Variants in PCDH9 observed in about 807,000 individuals in gnomAD.
PCDH9 encodes the protein protocadherin-9.
Under a neutral mutation model 70.6 loss-of-function variants are expected in PCDH9, and 24 were observed. That is an observed-to-expected ratio of 0.34 (90% confidence interval 0.25 to 0.48). PCDH9 has a LOEUF of 0.48. Ranked by LOEUF, PCDH9 falls within the 20% of genes least tolerant of loss-of-function variation. The pLI is 0.99. For missense variants in PCDH9, 1,281 were observed against 1,503.6 expected (o/e 0.85, Z 2.45); for synonymous variants, 562 against 558.5 (o/e 1.01, Z -0.09).
chr13:66,840,299 A>T (rs1321004334), intron 3 of PCDH9, among the ~76,000 whole-genome samples: 11 of 152,364 alleles, frequency 7.2e-5, no homozygotes, highest in Admixed American at 5.2e-4. Flanking sequence ...GCTCTTGAAT[A>T]GAGTTGTAAT....
rs914080131 is a variant in PCDH9, at chr13:67,226,879, G to C, written c.1562C>G (p.Thr521Arg). The change falls in exon 2 of 5, where the codon ACA (threonine) becomes AGA (arginine). Residue 521 changes from threonine (T) to arginine (R), a missense_variant. Thr to Arg is a moderately conservative substitution (Grantham distance 71). Transcript: ENST00000377865. This position sits in a 1 kb window ranked among gnomAD's most constrained non-coding sequence, Gnocchi z 5.0. The part of the protein sequence containing the change: ...NASFFDLDRK[T>R]GVLTASRVFD... ...TACTCTGGAGGCTGTCAAAACTCCT[G>C]TTTTTCGGTCCAGATCAAAGAAGGA... 2 of 1,614,056 alleles carry C rather than the reference G, an allele frequency of 1.2e-6. No individual in the cohort carries two copies. The highest frequency in any genetic ancestry group is 1.7e-5 in the Admixed American group (1 of 60,012).
intron 4 of PCDH9, among the ~76,000 whole-genome samples, chr13:66,426,400 C>A (rs529163155): frequency 2.0e-5 from 3 of 151,140 alleles, no homozygotes; most frequent in African/African-American, 7.3e-5. Flanking sequence ...TGGTTAATGG[C>A]CTTAAATATC....
At chr13:67,207,628 TC>T (rs138452386) in intron 2 of PCDH9, 2 of 152,330 alleles carry the variant, frequency 1.3e-5, no homozygotes, top group East Asian at 3.9e-4. Flanking sequence ...AATGCTGTGA[TC>T]TTCTCTTTAC....
chr13:66,392,038 T>TA (rs1361740544), intron 4 of PCDH9, among the ~76,000 whole-genome samples: 2 of 151,782 alleles, frequency 1.3e-5, no homozygotes, highest in Non-Finnish European at 2.9e-5. Context: ...TCTCAAAACA[T>TA]ACTGCTATGG....
chr13:67,021,905 T>A (rs1309079043), intron 2 of PCDH9, among the ~76,000 whole-genome samples: 1 of 152,014 alleles, frequency 6.6e-6, no homozygotes, highest in East Asian at 1.9e-4. Flanking sequence ...TTTCTCTATG[T>A]GTATATATAT....
chr13:67,089,804 T>C (rs1246948623), intron 2 of PCDH9, among the ~76,000 whole-genome samples: 2 of 152,044 alleles, frequency 1.3e-5, no homozygotes, highest in African/African-American at 2.4e-5. Flanking sequence ...CAGATGTTGA[T>C]AGAGAGATCC....
At chr13:66,917,768 G>A (rs2082579609) in intron 2 of PCDH9, among the ~76,000 whole-genome samples, 2 of 151,326 alleles carry the variant, frequency 1.3e-5, no homozygotes, top group Admixed American at 1.3e-4. Context: ...AATATAAACA[G>A]TTCTGCAAGT....
In PCDH9 at chr13:67,040,228, G is replaced by A. The variant is rs560839226; in HGVS notation, c.3037-136623C>T. On this transcript the variant is annotated intron_variant, in intron 2 of 4. Coordinates refer to ENST00000377865, the MANE Select transcript of PCDH9 (RefSeq NM_203487.3). The stretch of plus-strand genomic sequence containing the variant: ...GTTATATGTTGAAACTTAGCCCCCA[G>A]TGTGACGTTATTCAGAGGTGGGGTC... Among the ~76,000 whole-genome samples the A allele has an allele frequency of 2.6e-5, 4 of 152,238 alleles. No individual in the cohort carries two copies. In the South Asian group the frequency reaches 8.3e-4, roughly 32 times the overall value.
At chr13:67,022,717 C>T (rs889458736) in intron 2 of PCDH9, among the ~76,000 whole-genome samples, 1 of 152,114 alleles carries the variant, frequency 6.6e-6, no homozygotes, top group African/African-American at 2.4e-5. Context: ...CGTTCAACAC[C>T]CTCACCTATT....
At chr13:66,604,200 A>G (rs955246405) in intron 4 of PCDH9, among the ~76,000 whole-genome samples, 5 of 152,070 alleles carry the variant, frequency 3.3e-5, no homozygotes, top group Admixed American at 1.3e-4. Flanking sequence ...CAACTCTCTC[A>G]GTAGCTCTGA....
At chr13:66,779,839 C>CTATATATATATA (rs1217221898) in intron 3 of PCDH9, among the ~76,000 whole-genome samples, 2 of 24,692 alleles carry the variant, frequency 8.1e-5, no homozygotes, top group Non-Finnish European at 1.9e-4. Context: ...CTCTCTCTCT[C>CTATATATATATA]TCTCTCTCTC....
In PCDH9 at chr13:66,305,039, CAA is replaced by C. The variant is rs1387799388; in HGVS notation, c.3341-13_3341-12del. On this transcript the variant is annotated splice_polypyrimidine_tract_variant and intron_variant, in intron 4 of 4. Transcript: ENST00000377865. ...GACCCAAAGGCCCATCTGCAGAAGACAAGAGAGAGAAAATAAGAAAAGGAAGT... is the reference window on the plus strand; with the variant it reads ...GACCCAAAGGCCCATCTGCAGAAGACGAGAGAGAAAATAAGAAAAGGAAGT... The C allele has an allele frequency of 5.7e-6, 9 of 1,566,892 alleles. No individual in the cohort carries two copies. Among genetic ancestry groups the C allele is most frequent in the African/African-American group, 5.5e-5 (4 of 72,696 alleles).
intron 4 of PCDH9, among the ~76,000 whole-genome samples, chr13:66,391,902 A>ATATG (rs1555288207): frequency 6.7e-6 from 1 of 149,142 alleles, no homozygotes; most frequent in Non-Finnish European, 1.5e-5. Context: ...ATATATATAT[A>ATATG]TATGTTTGTG....
intron 4 of PCDH9, among the ~76,000 whole-genome samples, chr13:66,375,407 T>A (rs2138227362): frequency 6.6e-6 from 1 of 152,236 alleles, no homozygotes; most frequent in African/African-American, 2.4e-5. Flanking sequence ...GCTATTGCTT[T>A]GTTTTTTGTT....
chr13:66,643,283 T>C (rs973592390), intron 3 of PCDH9, among the ~76,000 whole-genome samples: 1 of 152,054 alleles, frequency 6.6e-6, no homozygotes, highest in Non-Finnish European at 1.5e-5. Context: ...CTTATAATGA[T>C]CTTAAGGAAA....
chr13:66,749,622 G>A (rs1355434354), intron 3 of PCDH9, among the ~76,000 whole-genome samples: 1 of 152,084 alleles, frequency 6.6e-6, no homozygotes, highest in African/African-American at 2.4e-5. Flanking sequence ...ACCAGCTCGA[G>A]ACCAGAATTT....
At chr13:66,744,701 T>C (rs1468618118) in intron 3 of PCDH9, among the ~76,000 whole-genome samples, 1 of 152,122 alleles carries the variant, frequency 6.6e-6, no homozygotes, top group Non-Finnish European at 1.5e-5. Flanking sequence ...GAAATTCAGG[T>C]ATAAAAAATG....
At chr13:66,541,526 G>A (rs1960954908) in intron 4 of PCDH9, among the ~76,000 whole-genome samples, 1 of 152,054 alleles carries the variant, frequency 6.6e-6, no homozygotes, top group Non-Finnish European at 1.5e-5. Flanking sequence ...TTCTGATGTT[G>A]CTTCGCTTCT....
intron 4 of PCDH9, among the ~76,000 whole-genome samples, chr13:66,481,505 T>G (rs1234453737): frequency 6.6e-6 from 1 of 152,188 alleles, no homozygotes; most frequent in Non-Finnish European, 1.5e-5. Flanking sequence ...ATAATGTTAT[T>G]GCACACTTAA....
Sources: gnomAD v4.1 joint callset for allele counts (sites outside exome capture counted in the v4.1 genomes callset) on GRCh38, gnomAD v4.1.1 for gene constraint, Gnocchi (gnomAD v3.1) non-coding constraint, MANE v1.5 for transcripts, NCBI Gene and HGNC (gene_info 2026-07-23, HGNC 2026-07-21) for gene names.